Variants in SCAPER observed in about 807,000 individuals in gnomAD.
SCAPER encodes the protein S phase cyclin A-associated protein in the endoplasmic reticulum.
SCAPER carries 98 observed loss-of-function variants against 182.2 expected under a neutral mutation model. The ratio of observed to expected loss-of-function variants is 0.54; its 90% CI spans 0.46 to 0.64. The LOEUF is 0.64. SCAPER is among the 30% of genes least tolerant of loss of function. SCAPER has a pLI of 0.00. For synonymous variants in SCAPER, 605 were observed against 564.6 expected (o/e 1.07, Z -1.01); for missense variants, 1,432 against 1,690.0 (o/e 0.85, Z 2.68).
chr15:76,726,284 T>C (rs2060597890), intron 17 of SCAPER, among the ~76,000 whole-genome samples: 1 of 150,820 alleles, frequency 6.6e-6, no homozygotes, highest in Admixed American at 6.6e-5. Flanking sequence ...AGGTCACTAA[T>C]CACTAGGGAA....
Position 76,388,258 on chromosome 15 carries a change from G to A in SCAPER, c.3468-6643C>T, listed in dbSNP as rs185347810. On this transcript the variant is annotated intron_variant, in intron 27 of 31. Coordinates refer to ENST00000563290, the MANE Select transcript of SCAPER (RefSeq NM_020843.4). The stretch of plus-strand genomic sequence containing the variant: ...AGTATTTATTTATGACCCCACGGGA[G>A]ACACGTTACTAGAAAGCATATATGA... 3.6e-3 allele frequency among the ~76,000 whole-genome samples: 550 copies of A among 152,302 alleles called. 4 individuals carry two copies. Among genetic ancestry groups the A allele is most frequent in the Non-Finnish European group, 6.1e-3 (417 of 68,038 alleles).
intron 17 of SCAPER, among the ~76,000 whole-genome samples, chr15:76,716,793 C>T (rs1035203988): frequency 6.6e-6 from 1 of 151,698 alleles, no homozygotes; most frequent in Non-Finnish European, 1.5e-5. Flanking sequence ...CACCACTAAG[C>T]AAACAAATAT....
intron 5 of SCAPER, among the ~76,000 whole-genome samples, chr15:76,837,373 A>G (rs761796947): frequency 9.9e-5 from 15 of 152,202 alleles, no homozygotes; most frequent in Admixed American, 1.3e-4. Context: ...TCAGTTCAGC[A>G]TAACTGGGGA....
chr15:76,403,500 A>G (rs1036454261), intron 27 of SCAPER, among the ~76,000 whole-genome samples: 7 of 152,148 alleles, frequency 4.6e-5, no homozygotes, highest in Non-Finnish European at 1.5e-5. Flanking sequence ...TCCTATGTAT[A>G]ATGAACTAAA....
chr15:76,463,015 C>A (rs574693377), intron 25 of SCAPER, among the ~76,000 whole-genome samples: 1 of 152,094 alleles, frequency 6.6e-6, no homozygotes, highest in Admixed American at 6.6e-5. Context: ...ATCTATAAAA[C>A]GAGTGGACTG....
intron 2 of SCAPER, among the ~76,000 whole-genome samples, chr15:76,874,771 A>G (rs2073025734): frequency 6.6e-6 from 1 of 152,168 alleles, no homozygotes; most frequent in South Asian, 2.1e-4. Flanking sequence ...AGACTGGACA[A>G]CATAGCAAGA....
chr15:76,705,263 T>C (rs931412375), intron 18 of SCAPER, among the ~76,000 whole-genome samples: 8 of 151,500 alleles, frequency 5.3e-5, no homozygotes, highest in East Asian at 1.9e-4. Flanking sequence ...ATGGGTGAAA[T>C]TGGAAATCAT....
intron 24 of SCAPER, among the ~76,000 whole-genome samples, chr15:76,497,125 C>T (rs200081456): frequency 1.6e-3 from 5 of 3,110 alleles, no homozygotes; most frequent in Admixed American, 1.0e-2. Context: ...TTTTTTTTTT[C>T]CCAAAACGGC....
chr15:76,831,367 T>C (rs1334767894), intron 5 of SCAPER, among the ~76,000 whole-genome samples: 1 of 151,870 alleles, frequency 6.6e-6, no homozygotes, highest in African/African-American at 2.4e-5. Context: ...CAGTGGCCAC[T>C]ACCATAACTC....
intron 22 of SCAPER, chr15:76,576,945 G>A (rs1035477531): frequency 3.3e-5 from 5 of 152,186 alleles, no homozygotes; most frequent in Non-Finnish European, 5.9e-5. Flanking sequence ...AACTTGAAAG[G>A]AGGTTTAAGC....
intron 23 of SCAPER, among the ~76,000 whole-genome samples, chr15:76,565,541 G>C (rs1597411544): frequency 6.6e-6 from 1 of 152,078 alleles, no homozygotes; most frequent in African/African-American, 2.4e-5. Flanking sequence ...ATGCTGGTGA[G>C]GTTGTGGAGA....
intron 17 of SCAPER, among the ~76,000 whole-genome samples, chr15:76,706,536 A>T (rs2059270631): frequency 6.6e-6 from 1 of 152,188 alleles, no homozygotes; most frequent in Non-Finnish European, 1.5e-5. Flanking sequence ...GATAAAAATC[A>T]GCAGACTGGG....
intron 23 of SCAPER, among the ~76,000 whole-genome samples, chr15:76,536,871 T>G (rs1032153863): frequency 1.3e-5 from 2 of 152,040 alleles, no homozygotes; most frequent in African/African-American, 4.8e-5. Flanking sequence ...CAGCAAAGTC[T>G]CAGGATACAA....
chr15:76,875,223 C>A (rs2073052716), intron 2 of SCAPER, among the ~76,000 whole-genome samples: 2 of 152,106 alleles, frequency 1.3e-5, no homozygotes, highest in African/African-American at 4.8e-5. Context: ...AGAAAAAACA[C>A]ATTTTATGAG....
intron 27 of SCAPER, among the ~76,000 whole-genome samples, chr15:76,398,496 C>G (rs943262793): frequency 2.2e-4 from 34 of 152,294 alleles, no homozygotes; most frequent in Middle Eastern, 3.4e-3. Context: ...AATATTTGTT[C>G]AATGAATGAA....
At chr15:76,621,865 C>T in intron 21 of SCAPER, 36 bp from the exon 22 acceptor site, 2 of 1,468,586 alleles carry the variant, frequency 1.4e-6, no homozygotes, top group Non-Finnish European at 1.9e-6. Context: ...AGTTATTTCA[C>T]TGCTAATTTT....
intron 1 of SCAPER, among the ~76,000 whole-genome samples, chr15:76,898,579 A>T (rs1298317119): frequency 6.6e-6 from 1 of 152,272 alleles, no homozygotes; most frequent in African/African-American, 2.4e-5. Flanking sequence ...TGAAGGGCTG[A>T]TATGTGCTAC....
At chr15:76,694,362 A>G (rs977437676) in intron 20 of SCAPER, among the ~76,000 whole-genome samples, 1 of 152,128 alleles carries the variant, frequency 6.6e-6, no homozygotes, top group Non-Finnish European at 1.5e-5. Flanking sequence ...TATGAATGAG[A>G]TAATTTTATT....
chr15:76,498,402 T>C (rs2040805856), intron 24 of SCAPER: 1 of 152,210 alleles, frequency 6.6e-6, no homozygotes, highest in African/African-American at 2.4e-5. Context: ...CATCAGCCTC[T>C]ACACAACACA....
Sources: gnomAD v4.1 joint callset for allele counts (sites outside exome capture counted in the v4.1 genomes callset) on GRCh38, gnomAD v4.1.1 for gene constraint, MANE v1.5 for transcripts, NCBI Gene and HGNC (gene_info 2026-07-23, HGNC 2026-07-21) for gene names.